Variants in CDK14 observed in about 807,000 individuals in gnomAD.
CDK14 encodes cyclin dependent kinase 14.
CDK14 carries 34 observed loss-of-function variants against 60.7 expected under a neutral mutation model. That is an observed-to-expected ratio of 0.56 (90% CI 0.43 to 0.75). CDK14 has a LOEUF of 0.75. Among genes scored for constraint, CDK14 ranks in the 30% least tolerant of loss-of-function variants. CDK14 has a pLI of 0.00. For missense variants in CDK14, 482 were observed against 564.1 expected (o/e 0.85, Z 1.47); for synonymous variants, 197 against 203.7 (o/e 0.97, Z 0.28).
chr7:91,059,193 G>C (rs1797694250), intron 11 of CDK14, among the ~76,000 whole-genome samples: 1 of 152,228 alleles, frequency 6.6e-6, no homozygotes, highest in Admixed American at 6.5e-5. Flanking sequence ...TATTTACATA[G>C]AGGTGTTTGT....
At chr7:91,062,392 ACTGCACCCACTGTC>A (rs1293962712) in intron 11 of CDK14, among the ~76,000 whole-genome samples, 1 of 151,950 alleles carries the variant, frequency 6.6e-6, no homozygotes, top group African/African-American at 2.4e-5. Context: ...CACTCAGTGC[ACTGCACCCACTGTC>A]CTGCACCCAC....
At chr7:90,991,432 G>A (rs1025688527) in intron 10 of CDK14, among the ~76,000 whole-genome samples, 1 of 152,090 alleles carries the variant, frequency 6.6e-6, no homozygotes, top group Non-Finnish European at 1.5e-5. Context: ...GCTAGACCAG[G>A]GGAGAAATCA....
intron 5 of CDK14, among the ~76,000 whole-genome samples, chr7:90,810,831 CAGAG>C (rs1395101149): frequency 6.6e-6 from 1 of 151,870 alleles, no homozygotes; most frequent in Non-Finnish European, 1.5e-5. Context: ...AACAGACAAA[CAGAG>C]AGCCAAATCA....
intron 1 of CDK14, among the ~76,000 whole-genome samples, chr7:90,602,274 T>G (rs1372883221): frequency 6.6e-6 from 1 of 152,242 alleles, no homozygotes; most frequent in Non-Finnish European, 1.5e-5. Context: ...AGCCACATAG[T>G]GCGCGTGTTC....
chr7:91,021,111 TC>T (rs1796424385), intron 10 of CDK14, among the ~76,000 whole-genome samples: 1 of 152,190 alleles, frequency 6.6e-6, no homozygotes, highest in South Asian at 2.1e-4. Context: ...CTACTAAGTC[TC>T]CTATGACAGT....
chr7:90,953,241 A>G (rs1012204939), intron 8 of CDK14, among the ~76,000 whole-genome samples: 10 of 152,216 alleles, frequency 6.6e-5, no homozygotes, highest in African/African-American at 2.4e-4. Context: ...CAAGCAATGT[A>G]GAATAATGTA....
At chr7:90,758,139 A>T (rs1804159754) in intron 4 of CDK14, among the ~76,000 whole-genome samples, 1 of 152,234 alleles carries the variant, frequency 6.6e-6, no homozygotes, top group African/African-American at 2.4e-5. Context: ...CAAAACTCAC[A>T]AATATGCTTT....
intron 6 of CDK14, among the ~76,000 whole-genome samples, chr7:90,883,560 A>T (rs1791836094): frequency 6.6e-6 from 1 of 152,224 alleles, no homozygotes; most frequent in Non-Finnish European, 1.5e-5. Flanking sequence ...ACAATTGAAA[A>T]AGAGGGGCCC....
At chr7:90,774,646 T>C (rs1804942275) in intron 4 of CDK14, among the ~76,000 whole-genome samples, 1 of 152,258 alleles carries the variant, frequency 6.6e-6, no homozygotes, top group Non-Finnish European at 1.5e-5. Flanking sequence ...AATATCTCTC[T>C]ATTACTTTCA....
chr7:90,629,765 A>G (rs1799952643), intron 2 of CDK14, among the ~76,000 whole-genome samples: 1 of 152,124 alleles, frequency 6.6e-6, no homozygotes, highest in African/African-American at 2.4e-5. Flanking sequence ...GGTGGCTCAC[A>G]CCTGTAATCT....
chr7:91,083,556 A>C (rs1798541052), intron 12 of CDK14, among the ~76,000 whole-genome samples: 1 of 152,162 alleles, frequency 6.6e-6, no homozygotes, highest in Admixed American at 6.5e-5. Context: ...AGTTCATAGC[A>C]ATTTCTGGAG....
At chr7:90,652,083 ATCTT>A (rs1331266146) in intron 2 of CDK14, among the ~76,000 whole-genome samples, 3 of 152,032 alleles carry the variant, frequency 2.0e-5, no homozygotes, top group Non-Finnish European at 2.9e-5. Context: ...ACTTCCCCTC[ATCTT>A]TCTTTATTTT....
intron 2 of CDK14, among the ~76,000 whole-genome samples, chr7:90,697,287 A>G (rs1801679451): frequency 1.3e-5 from 2 of 152,008 alleles, no homozygotes; most frequent in Non-Finnish European, 2.9e-5. Flanking sequence ...TCTTAGCTTT[A>G]ATATCTACAG....
intron 2 of CDK14, among the ~76,000 whole-genome samples, chr7:90,664,513 A>C (rs1800931367): frequency 6.6e-6 from 1 of 152,210 alleles, no homozygotes; most frequent in African/African-American, 2.4e-5. Flanking sequence ...GGCACTATTC[A>C]CAATAGCAAA....
intron 2 of CDK14, among the ~76,000 whole-genome samples, chr7:90,683,175 A>G (rs532143282): frequency 4.6e-5 from 7 of 152,210 alleles, no homozygotes; most frequent in Admixed American, 3.9e-4. Context: ...TTTCCCTCCA[A>G]ATTGACCCTT....
chr7:90,605,651 A>G (rs1799402099), intron 2 of CDK14, among the ~76,000 whole-genome samples: 1 of 152,168 alleles, frequency 6.6e-6, no homozygotes, highest in Non-Finnish European at 1.5e-5. Context: ...AGCTTACATA[A>G]AAAGAGAGAA....
At chr7:91,171,115 C>T (rs1417101177) in intron 14 of CDK14, among the ~76,000 whole-genome samples, 2 of 152,122 alleles carry the variant, frequency 1.3e-5, no homozygotes, top group Admixed American at 6.5e-5. Context: ...TGTGGGAGGC[C>T]GAGGCAGGCA....
At chr7:90,635,514 C>T (rs1584756894) in intron 2 of CDK14, among the ~76,000 whole-genome samples, 1 of 151,632 alleles carries the variant, frequency 6.6e-6, no homozygotes, top group Non-Finnish European at 1.5e-5. Context: ...GGTACCAGTA[C>T]CATGCTGTTT....
At chr7:91,081,725 A>G (rs554061000) in intron 12 of CDK14, among the ~76,000 whole-genome samples, 1 of 152,212 alleles carries the variant, frequency 6.6e-6, no homozygotes, top group South Asian at 2.1e-4. Context: ...TTCCCTGCTG[A>G]CTTCATTTAT....
Sources: allele counts gnomAD v4.1 joint callset (sites outside exome capture counted in the v4.1 genomes callset), GRCh38; gene constraint gnomAD v4.1.1; transcripts MANE v1.5; gene names NCBI Gene and HGNC (gene_info 2026-07-23, HGNC 2026-07-21).